RLN2: variants seen among roughly 807,000 people sequenced by gnomAD.
RLN2 encodes prorelaxin H2.
In RLN2, 10 loss-of-function variants were observed where a neutral mutation model predicts 7.3. That is an observed-to-expected ratio of 1.36 (90% confidence interval 0.84 to 2.31). The LOEUF is 2.31. RLN2 is among the 30% of genes most tolerant of loss of function. The pLI is 0.00. For synonymous variants in RLN2, 103 were observed against 82.3 expected (o/e 1.25, Z -1.36); for missense variants, 298 against 217.6 (o/e 1.37, Z -2.32).
chr9:5,317,125 C>T, the RLN2 span, among the ~76,000 whole-genome samples: 1 of 151,754 alleles, frequency 6.6e-6, no homozygotes, highest in East Asian at 1.9e-4. Flanking sequence ...CACAGGAAAA[C>T]ATAAAATCAC....
At chr9:5,335,987 C>T in the RLN2 span, among the ~76,000 whole-genome samples, 1 of 152,028 alleles carries the variant, frequency 6.6e-6, no homozygotes, top group Admixed American at 6.6e-5. Context: ...CGTTTTCTTC[C>T]ATTGCTAAGC....
chr9:5,300,490 C>T, intron 1 of RLN2, 46 bp from the exon 2 acceptor site: 1 of 1,278,824 alleles, frequency 7.8e-7, no homozygotes, highest in Non-Finnish European at 1.1e-6. Context: ...ATATTCATGT[C>T]AAAGAGCACT....
chr9:5,311,188 A>G, the RLN2 span, among the ~76,000 whole-genome samples: 3 of 152,060 alleles, frequency 2.0e-5, no homozygotes, highest in Non-Finnish European at 4.4e-5. Flanking sequence ...AAAACTGAAG[A>G]TTGGACCAAC....
At chr9:5,324,987 G>A in the RLN2 span, among the ~76,000 whole-genome samples, 1 of 152,034 alleles carries the variant, frequency 6.6e-6, no homozygotes, top group Admixed American at 6.6e-5. Flanking sequence ...AAGGATAAGT[G>A]TAGGAGAAGT....
At chr9:5,318,189 A>G in the RLN2 span, among the ~76,000 whole-genome samples, 3 of 152,036 alleles carry the variant, frequency 2.0e-5, 1 homozygote, top group South Asian at 6.2e-4. Context: ...TCTGGATTTT[A>G]AAAATTATTT....
chr9:5,331,587 T>G, the RLN2 span, among the ~76,000 whole-genome samples: 3 of 150,648 alleles, frequency 2.0e-5, no homozygotes, highest in Non-Finnish European at 4.4e-5. Context: ...AAACACTGCA[T>G]GTTCTCACCC....
the RLN2 span, among the ~76,000 whole-genome samples, chr9:5,332,289 G>C: frequency 6.6e-6 from 1 of 151,808 alleles, no homozygotes; most frequent in East Asian, 1.9e-4. Context: ...ATTTTTATAC[G>C]CTTTTGTACT....
chr9:5,320,668 G>A, the RLN2 span, among the ~76,000 whole-genome samples: 322 of 152,144 alleles, frequency 2.1e-3, 2 homozygotes, highest in African/African-American at 6.6e-3. Context: ...ACCATGCCCA[G>A]CCACACAAAA....
At chr9:5,328,803 A>G in the RLN2 span, among the ~76,000 whole-genome samples, 17 of 152,016 alleles carry the variant, frequency 1.1e-4, no homozygotes, top group Non-Finnish European at 1.9e-4. Context: ...AGAATTTTCA[A>G]CAATCAGAAT....
chr9:5,307,674 C>G (rs1816279310), upstream of RLN2, among the ~76,000 whole-genome samples: 1 of 151,956 alleles, frequency 6.6e-6, no homozygotes, highest in Non-Finnish European at 1.5e-5. Context: ...TTGTAAGTTT[C>G]CTGGGCATTG....
chr9:5,300,360 T>C lies in RLN2; in HGVS notation c.296A>G (p.Lys99Arg), dbSNP rs748424352. 6.1e-5 allele frequency: 99 copies of C among 1,613,908 alleles called. No individual in the cohort carries two copies. The Middle Eastern group carries it at 9.9e-4, about 16-fold the overall frequency. ...EFVANLPQEL[K>R]LTLSEMQPAL... ...TGGCTGCATCTCAGACAGGGTTAACTTCAGCTCCTGTGGCAAATTAGCAAC... is the reference window on the plus strand; with the variant it reads ...TGGCTGCATCTCAGACAGGGTTAACCTCAGCTCCTGTGGCAAATTAGCAAC... Residue 99 changes from lysine (K) to arginine (R), a missense_variant, in exon 2 of 2, where the codon AAG (lysine) becomes AGG (arginine). Coordinates refer to ENST00000381627, the MANE Select transcript of RLN2 (RefSeq NM_134441.3).
chr9:5,315,669 G>A, the RLN2 span, among the ~76,000 whole-genome samples: 4 of 152,040 alleles, frequency 2.6e-5, no homozygotes, highest in Admixed American at 6.5e-5. Context: ...GTCAAAAGCC[G>A]AAGACAAAGA....
chr9:5,332,197 G>C, the RLN2 span, among the ~76,000 whole-genome samples: 3 of 151,988 alleles, frequency 2.0e-5, no homozygotes, highest in South Asian at 6.2e-4. Flanking sequence ...ACTCACAGTG[G>C]TGTGCAGGTG....
chr9:5,304,758 A>G (rs1044504265), upstream of RLN2: 1 of 637,152 alleles, frequency 1.6e-6, no homozygotes, highest in African/African-American at 1.8e-5. Flanking sequence ...CAAGGGTGCC[A>G]GCTCCACCCC....
chr9:5,335,174 A>T, the RLN2 span: 1 of 783,140 alleles, frequency 1.3e-6, no homozygotes, highest in Non-Finnish European at 2.0e-6. Flanking sequence ...AATTAGTGGG[A>T]CCTGACAGAA....
upstream of RLN2, among the ~76,000 whole-genome samples, chr9:5,308,360 A>T (rs528187339): frequency 6.6e-6 from 1 of 152,156 alleles, no homozygotes; most frequent in African/African-American, 2.4e-5. Flanking sequence ...TATGGAAAGA[A>T]AGTTCAGAAA....
At chr9:5,331,491 A>G in the RLN2 span, among the ~76,000 whole-genome samples, 4 of 152,058 alleles carry the variant, frequency 2.6e-5, no homozygotes, top group African/African-American at 7.2e-5. Context: ...GCAGCCATAA[A>G]AAAGGATGAG....
rs371566355 is a variant in RLN2, at chr9:5,304,410, C to G, written c.171G>C (p.Leu57=). 5.0e-5 allele frequency: 80 copies of G among 1,610,186 alleles called. No homozygotes were observed. The African/African-American group carries it at 5.8e-4, about 12-fold the overall frequency. Residue 57 remains leucine (L), a synonymous_variant, in exon 1 of 2, where the codon CTG becomes CTC. Transcript: ENST00000381627. The part of the protein sequence containing the change: ...CGMSTWSKRS[L]SQEDAPQTPR... The stretch of plus-strand genomic sequence containing the variant: ...GTGTCTGAGGAGCATCTTCCTGGCT[C>G]AGAGACCTTTTGCTCCAGGTGCTCA...
At chr9:5,305,293 G>A (rs183781748), upstream of RLN2, among the ~76,000 whole-genome samples, 1 of 150,026 alleles carries the variant, frequency 6.7e-6, no homozygotes, top group Admixed American at 6.7e-5. Context: ...AAATTTGATT[G>A]TAACTAGTTA....
Sources: gnomAD v4.1 joint callset for allele counts (sites outside exome capture counted in the v4.1 genomes callset) on GRCh38, gnomAD v4.1.1 for gene constraint, MANE v1.5 for transcripts, NCBI Gene and HGNC (gene_info 2026-07-23, HGNC 2026-07-21) for gene names.